SLC37A3: variants seen among roughly 807,000 people sequenced by gnomAD.
SLC37A3 encodes solute carrier family 37 member 3.
Under a neutral mutation model 67.1 loss-of-function variants are expected in SLC37A3, and 51 were observed. That is an observed-to-expected ratio of 0.76 (90% CI 0.61 to 0.96). SLC37A3 has a LOEUF of 0.96. SLC37A3 is among the 40% of genes least tolerant of loss of function. The pLI is 0.00. For missense variants in SLC37A3, 508 were observed against 603.0 expected, an observed-to-expected ratio of 0.84 and a Z score of 1.65; for synonymous variants, 214 against 231.4, an observed-to-expected ratio of 0.92 and a Z score of 0.68.
chr7:140,385,488 A>G (rs1160835162), intron 1 of SLC37A3, among the ~76,000 whole-genome samples: 1 of 152,172 alleles, frequency 6.6e-6, no homozygotes, highest in East Asian at 1.9e-4. Context: ...TCCCACCTCA[A>G]AACACTGTAG....
Position 140,335,053 on chromosome 7 carries a change from C to T in SLC37A3, c.*359G>A. The T allele has an allele frequency of 3.1e-6, 2 of 649,470 alleles. No homozygotes were observed. Among genetic ancestry groups the T allele is most frequent in the Non-Finnish European group, 5.1e-6 (2 of 390,942 alleles). The allele number at this position is 649,470 out of a possible 1,614,324, so 40.2% of individuals were successfully genotyped here. ...CGCGTGGCTTTGCCTCCTGTTCACT[C>T]CATTTTCAAGGCTAGAGAAAGTTCA... On this transcript the variant is annotated 3_prime_UTR_variant, in exon 15 of 15. Coordinates refer to ENST00000326232, the MANE Select transcript of SLC37A3 (RefSeq NM_207113.3).
chr7:140,376,061 G>A (rs764775917), intron 3 of SLC37A3, among the ~76,000 whole-genome samples: 4 of 150,738 alleles, frequency 2.7e-5, no homozygotes, highest in Non-Finnish European at 5.9e-5. Flanking sequence ...CAAAGTTGTA[G>A]GTTTCCTTTA....
intron 5 of SLC37A3, among the ~76,000 whole-genome samples, chr7:140,360,819 T>C (rs574670265): frequency 6.6e-6 from 1 of 151,090 alleles, no homozygotes; most frequent in Admixed American, 6.6e-5. Context: ...AAACTCACAG[T>C]CCTCACTGCC....
chr7:140,367,111 C>T (rs983670142), intron 4 of SLC37A3, among the ~76,000 whole-genome samples: 1 of 151,710 alleles, frequency 6.6e-6, no homozygotes, highest in South Asian at 2.1e-4. Context: ...GCACTCCAGC[C>T]TGGGCAACAC....
At chr7:140,352,348 G>A (rs1796849785) in intron 7 of SLC37A3, among the ~76,000 whole-genome samples, 2 of 152,118 alleles carry the variant, frequency 1.3e-5, no homozygotes, top group South Asian at 4.1e-4. Flanking sequence ...ATTCTTCCTG[G>A]TGATTGTATG....
At chr7:140,378,503 C>T (rs1032708744) in intron 3 of SLC37A3, among the ~76,000 whole-genome samples, 1 of 151,980 alleles carries the variant, frequency 6.6e-6, no homozygotes, top group Non-Finnish European at 1.5e-5. Context: ...TTTGGGAAGC[C>T]GAGGCAGGAG....
At chr7:140,375,707 C>A (rs1166515534) in intron 3 of SLC37A3, among the ~76,000 whole-genome samples, 1 of 152,150 alleles carries the variant, frequency 6.6e-6, no homozygotes, top group Non-Finnish European at 1.5e-5. Context: ...ATCCCCAAAT[C>A]ATAAACAAAT....
Position 140,352,082 on chromosome 7 carries a change from A to G in SLC37A3, c.683T>C (p.Leu228Pro). Residue 228 changes from leucine (L) to proline (P), a missense_variant, in exon 8 of 15, where the codon CTG becomes CCG. Leu to Pro is a moderately conservative substitution (Grantham distance 98, BLOSUM62 -3). Transcript: ENST00000326232. ...AGGIVIFFGL[L>P]VSPEEIGLSG... ...CTCACCAATTTCTTCTGGTGACACC[A>G]GGAGTCCAAAGAAGATAACGATCCC... 2 of 1,612,556 alleles carry G rather than the reference A, an allele frequency of 1.2e-6. No homozygotes were observed. The highest frequency in any genetic ancestry group is 1.7e-6 in the Non-Finnish European group (2 of 1,179,512).
intron 1 of SLC37A3, among the ~76,000 whole-genome samples, chr7:140,395,348 CT>C (rs1798877811): frequency 1.4e-5 from 2 of 140,684 alleles, no homozygotes; most frequent in Admixed American, 7.6e-5. Flanking sequence ...GCACTCCAGC[CT>C]TGGTGACAAA....
chr7:140,388,088 C>G (rs1798577631), intron 1 of SLC37A3, among the ~76,000 whole-genome samples: 1 of 148,764 alleles, frequency 6.7e-6, no homozygotes, highest in African/African-American at 2.5e-5. Context: ...CAACATCTCC[C>G]CAAACCCCCA....
chr7:140,339,191 T>C (rs1181702701), intron 13 of SLC37A3, among the ~76,000 whole-genome samples: 1 of 152,130 alleles, frequency 6.6e-6, no homozygotes, highest in Non-Finnish European at 1.5e-5. Flanking sequence ...GGACCCAAGT[T>C]GTTTCCACCT....
At chr7:140,353,710 G>GTTT (rs1459842785) in intron 7 of SLC37A3, among the ~76,000 whole-genome samples, 8 of 150,986 alleles carry the variant, frequency 5.3e-5, no homozygotes. Context: ...TTAGCACACT[G>GTTT]TTTTGTTTTG....
chr7:140,376,385 C>A (rs1446251612), intron 3 of SLC37A3, among the ~76,000 whole-genome samples: 1 of 152,168 alleles, frequency 6.6e-6, no homozygotes, highest in Non-Finnish European at 1.5e-5. Flanking sequence ...TAATGAAAGT[C>A]ACCAACACAA....
intron 5 of SLC37A3, 121 bp from the exon 6 acceptor site, chr7:140,358,906 C>T: frequency 7.9e-7 from 1 of 1,258,080 alleles, no homozygotes; most frequent in Non-Finnish European, 1.1e-6. Context: ...ACAGCCAGTG[C>T]CTGTAAGTCA....
At chr7:140,388,798 A>G (rs960424085) in intron 1 of SLC37A3, among the ~76,000 whole-genome samples, 1 of 152,096 alleles carries the variant, frequency 6.6e-6, no homozygotes, top group African/African-American at 2.4e-5. Context: ...AACAAGAGCA[A>G]GACTCCATCT....
chr7:140,339,264 G>T lies in SLC37A3; in HGVS notation c.1327-1915C>A, dbSNP rs980782234. 2.3e-3 allele frequency among the ~76,000 whole-genome samples: 296 copies of T among 130,680 alleles called. 1 individual carries two copies. Among genetic ancestry groups the T allele is most frequent in the African/African-American group, 5.3e-3 (184 of 34,970 alleles). 85.7% of individuals were successfully genotyped at this position (130,680 alleles called of 152,430 possible). A position where few individuals can be genotyped will look rare whatever the true frequency, so the allele number is the denominator to read the frequency against. ...ATACAAATATCTGAGTCCCAGTTTT[G>T]TTTTTTTTTTTTTTTTGAGAGAGTC... On this transcript the variant is annotated intron_variant, in intron 13 of 14. Transcript: ENST00000326232.
chr7:140,358,927 A>C, intron 5 of SLC37A3, 142 bp from the exon 6 acceptor site: 3 of 1,041,110 alleles, frequency 2.9e-6, no homozygotes, highest in Non-Finnish European at 4.3e-6. Context: ...CGTGGCCAGC[A>C]TCACAAAGGT....
At chr7:140,380,479 A>C in intron 2 of SLC37A3, 89 bp from the exon 3 acceptor site, 1 of 915,862 alleles carries the variant, frequency 1.1e-6, no homozygotes, top group East Asian at 2.9e-5. Flanking sequence ...TCTTTTATTC[A>C]ATTTTATTTT....
chr7:140,367,087 A>T (rs1797630750), intron 4 of SLC37A3, among the ~76,000 whole-genome samples: 1 of 151,962 alleles, frequency 6.6e-6, no homozygotes, highest in Non-Finnish European at 1.5e-5. Flanking sequence ...GCAGTGAGCC[A>T]AGATTGTGCC....
Sources: allele counts gnomAD v4.1 joint callset (sites outside exome capture counted in the v4.1 genomes callset), GRCh38; gene constraint gnomAD v4.1.1; transcripts MANE v1.5; gene names NCBI Gene and HGNC (gene_info 2026-07-23, HGNC 2026-07-21).